The following NTRK3 variants were observed in gnomAD, a reference collection of about 807,000 sequenced individuals.
NTRK3 encodes neurotrophic receptor tyrosine kinase 3.
In NTRK3, 24 loss-of-function variants were observed where a neutral mutation model predicts 91.7. The observed-to-expected ratio is 0.26, with a 90% confidence interval of 0.19 to 0.37. The LOEUF (loss-of-function observed/expected upper bound fraction) is 0.37. Ranked by LOEUF, NTRK3 falls within the 10% of genes least tolerant of loss-of-function variation. The probability of loss-of-function intolerance (pLI) is 1.00; values close to 1 mark genes in which losing one functional copy is unlikely to be tolerated. For synonymous variants in NTRK3, 483 were observed against 404.0 expected (o/e 1.20, Z -2.34); for missense variants, 880 against 1,068.9 (o/e 0.82, Z 2.46).
rs2052203208 is a variant in NTRK3, at chr15:88,240,175, C to T, written c.248+15731G>A. ...ACCCAGGGCTGCTGCATCTGTATGG[C>T]TCCCCTACTTTCCCATCCCGTCCCC... On this transcript the variant is annotated intron_variant, in intron 3 of 18. Coordinates refer to ENST00000394480, the Ensembl canonical transcript of NTRK3. This position sits in a 1 kb window ranked among gnomAD's most constrained non-coding sequence, Gnocchi z 4.9. Among the ~76,000 whole-genome samples, 4 of 149,884 alleles carry T rather than the reference C, an allele frequency of 2.7e-5. No homozygotes were observed. The highest frequency in any genetic ancestry group is 2.7e-4 in the Admixed American group (4 of 14,994).
chr15:87,919,657 A>G (rs1365551396), intron 17 of NTRK3, among the ~76,000 whole-genome samples: 3 of 152,216 alleles, frequency 2.0e-5, no homozygotes, highest in Non-Finnish European at 4.4e-5. Context: ...ATACAAAGAA[A>G]TTCTGTTCAG....
chr15:88,217,718 T>C (rs1009210003), intron 3 of NTRK3, among the ~76,000 whole-genome samples: 3 of 152,100 alleles, frequency 2.0e-5, no homozygotes, highest in Non-Finnish European at 4.4e-5. Context: ...GCTGTACACT[T>C]AAAAATGGTT....
At chr15:87,999,354 T>C (rs1394824065) in intron 14 of NTRK3, among the ~76,000 whole-genome samples, 1 of 152,232 alleles carries the variant, frequency 6.6e-6, no homozygotes, top group African/African-American at 2.4e-5. Flanking sequence ...CTAAGGTCCC[T>C]CTAGCAGCAG....
At chr15:87,941,367 T>C (rs941018811) in intron 14 of NTRK3, among the ~76,000 whole-genome samples, 4 of 152,170 alleles carry the variant, frequency 2.6e-5, no homozygotes, top group Non-Finnish European at 5.9e-5. Flanking sequence ...TGCTGAATTC[T>C]TGTGAAGATT....
chr15:88,044,203 C>T (rs1321730199), intron 13 of NTRK3, among the ~76,000 whole-genome samples: 1 of 150,022 alleles, frequency 6.7e-6, no homozygotes, highest in African/African-American at 2.4e-5. Context: ...TAAGGTCACA[C>T]AGCTAGTAGG....
intron 13 of NTRK3, among the ~76,000 whole-genome samples, chr15:88,103,508 C>T (rs1400265483): frequency 6.6e-6 from 1 of 152,120 alleles, no homozygotes; most frequent in Non-Finnish European, 1.5e-5. Context: ...TCTGATTCAC[C>T]AGAGTGGCGA....
At chr15:88,052,853 G>A (rs1306590785) in intron 13 of NTRK3, among the ~76,000 whole-genome samples, 1 of 152,096 alleles carries the variant, frequency 6.6e-6, no homozygotes, top group Non-Finnish European at 1.5e-5. Context: ...AGGTATTTTA[G>A]GAACAAGGAG....
chr15:88,039,228 C>T (rs1044711763), intron 13 of NTRK3, among the ~76,000 whole-genome samples: 15 of 151,960 alleles, frequency 9.9e-5, no homozygotes, highest in Non-Finnish European at 1.8e-4. Context: ...TAATCCATTC[C>T]AAATTACACA....
intron 17 of NTRK3, chr15:87,908,453 C>T: frequency 2.5e-6 from 1 of 399,926 alleles, no homozygotes; most frequent in Non-Finnish European, 4.4e-6. Context: ...CTGCCCTGCC[C>T]AGCCCCCTGG....
chr15:88,151,054 G>C (rs1567534787), intron 5 of NTRK3, among the ~76,000 whole-genome samples: 1 of 151,980 alleles, frequency 6.6e-6, no homozygotes, highest in Non-Finnish European at 1.5e-5. Flanking sequence ...CTTTTCTGTG[G>C]GCCTCCTCCC....
chr15:88,206,511 A>C (rs1188963571), intron 3 of NTRK3, among the ~76,000 whole-genome samples: 2 of 144,344 alleles, frequency 1.4e-5, no homozygotes, highest in Non-Finnish European at 3.0e-5. Context: ...ACAAAAAATT[A>C]GCCGGGCGCG....
intron 17 of NTRK3, among the ~76,000 whole-genome samples, chr15:87,888,310 G>C (rs543284211): frequency 6.6e-6 from 1 of 152,146 alleles, no homozygotes; most frequent in East Asian, 1.9e-4. Flanking sequence ...GGAGCAGAAC[G>C]AGAATGTCAC....
At chr15:88,023,849 G>A (rs367897470) in intron 14 of NTRK3, among the ~76,000 whole-genome samples, 1 of 152,180 alleles carries the variant, frequency 6.6e-6, no homozygotes, top group Non-Finnish European at 1.5e-5. Context: ...GACTTTTTCT[G>A]CAGGAGTAGC....
At chr15:87,862,824 C>G (rs1379460567) in exon 19 of NTRK3, 1 of 229,664 alleles carries the variant, frequency 4.4e-6, no homozygotes, top group Non-Finnish European at 8.6e-6. Context: ...AGGGTGGATG[C>G]TGAGAATCAG....
At chr15:87,933,793 G>A (rs1365379576) in intron 15 of NTRK3, among the ~76,000 whole-genome samples, 1 of 152,200 alleles carries the variant, frequency 6.6e-6, no homozygotes, top group Non-Finnish European at 1.5e-5. Context: ...GCAATAGGGT[G>A]GGAAGAGTGG....
At chr15:87,903,877 G>A (rs1415490359) in intron 17 of NTRK3, among the ~76,000 whole-genome samples, 3 of 152,154 alleles carry the variant, frequency 2.0e-5, no homozygotes, top group Non-Finnish European at 4.4e-5. Flanking sequence ...GTCCTAGTGG[G>A]TTTTAGAATA....
intron 13 of NTRK3, among the ~76,000 whole-genome samples, chr15:88,055,942 A>G (rs1318466248): frequency 1.3e-5 from 2 of 152,076 alleles, no homozygotes; most frequent in Non-Finnish European, 1.5e-5. Context: ...TCCCATTGTC[A>G]CTAAGATGAG....
In NTRK3 at chr15:87,996,985, T is replaced by C. The variant is rs113729088; in HGVS notation, c.1585+35872A>G. Among the ~76,000 whole-genome samples the C allele has an allele frequency of 1.1e-3, 174 of 152,360 alleles. 1 individual carries two copies. The highest frequency in any genetic ancestry group is 8.3e-3 in the South Asian group (40 of 4,826). On this transcript the variant is annotated intron_variant, in intron 14 of 18. Transcript: ENST00000394480. ...CAACACATTCAATGCCTAGCAGCCCTGTTTCCTCTTCCTAAATGAGGAGCA... is the reference window on the plus strand; with the variant it reads ...CAACACATTCAATGCCTAGCAGCCCCGTTTCCTCTTCCTAAATGAGGAGCA...
chr15:88,084,233 A>G (rs2048307802), intron 13 of NTRK3, among the ~76,000 whole-genome samples: 1 of 151,986 alleles, frequency 6.6e-6, no homozygotes, highest in Non-Finnish European at 1.5e-5. Flanking sequence ...CCAACCAACT[A>G]AAAGGATGTC....
Sources: gnomAD v4.1 joint callset for allele counts (sites outside exome capture counted in the v4.1 genomes callset) on GRCh38, gnomAD v4.1.1 for gene constraint, Gnocchi (gnomAD v3.1) non-coding constraint, MANE v1.5 for transcripts, NCBI Gene and HGNC (gene_info 2026-07-23, HGNC 2026-07-21) for gene names.